C2orf78: variants seen among roughly 807,000 people sequenced by gnomAD.
C2orf78 encodes the protein uncharacterized protein C2orf78.
A neutral mutation model predicts 21.4 loss-of-function variants in C2orf78; 12 were observed. The observed-to-expected ratio is 0.56, with a 90% CI of 0.36 to 0.91. The LOEUF is 0.91. Ranked by LOEUF, C2orf78 falls within the 40% of genes least tolerant of loss-of-function variation. The pLI is 0.01. For missense variants in C2orf78, 1,042 were observed against 1,092.4 expected (o/e 0.95, Z 0.65); for synonymous variants, 396 against 413.9 (o/e 0.96, Z 0.52).
chr2:73,808,643 A>G (rs920092498), intron 1 of C2orf78: 3 of 241,042 alleles, frequency 1.2e-5, no homozygotes, highest in African/African-American at 4.7e-5. Flanking sequence ...CCTATTGGCT[A>G]TCGCAGACCT....
At chr2:73,815,620 C>G (rs1009019449) in exon 3 of C2orf78, 1 of 1,613,988 alleles carries the variant, frequency 6.2e-7, no homozygotes, top group Middle Eastern at 1.6e-4. Flanking sequence ...CTTGACCAAC[C>G]TGAAAGTCCC....
chr2:73,786,053 A>T (rs1013222330), intron 1 of C2orf78, among the ~76,000 whole-genome samples: 1 of 151,390 alleles, frequency 6.6e-6, no homozygotes, highest in Non-Finnish European at 1.5e-5. Context: ...CTTCAAAAAG[A>T]AAAAAAAAGA....
intron 1 of C2orf78, chr2:73,808,879 T>G: frequency 7.9e-7 from 1 of 1,268,752 alleles, no homozygotes; most frequent in Non-Finnish European, 1.1e-6. Context: ...CAGTTGATGT[T>G]TCTTCTTCTC....
At chr2:73,797,963 A>C (rs1672954897) in intron 1 of C2orf78, among the ~76,000 whole-genome samples, 1 of 35,662 alleles carries the variant, frequency 2.8e-5, no homozygotes, top group Non-Finnish European at 5.8e-5. Flanking sequence ...AACAATGCCT[A>C]AAATCAAGGG....
At chr2:73,816,561 C>G (rs746989589) in exon 3 of C2orf78, 3 of 1,613,674 alleles carry the variant, frequency 1.9e-6, no homozygotes, top group Non-Finnish European at 1.7e-6. Flanking sequence ...TTTGACAGGT[C>G]CTGCCACACC....
intron 1 of C2orf78, among the ~76,000 whole-genome samples, chr2:73,784,917 C>G (rs2103965826): frequency 6.6e-6 from 1 of 151,236 alleles, no homozygotes; most frequent in South Asian, 2.1e-4. Flanking sequence ...AATCTCAGCA[C>G]TTTGGGAGGC....
chr2:73,814,009 G>T, exon 2 of C2orf78: 1 of 1,614,028 alleles, frequency 6.2e-7, no homozygotes, highest in South Asian at 1.1e-5. Context: ...TAGGAAGCCA[G>T]GTCTATTACT....
intron 1 of C2orf78, among the ~76,000 whole-genome samples, chr2:73,813,233 C>T (rs943202818): frequency 5.9e-5 from 9 of 152,244 alleles, no homozygotes; most frequent in East Asian, 5.8e-4. Context: ...AAATAATGTA[C>T]GAAACCAGAC....
exon 3 of C2orf78, chr2:73,816,471 T>G (rs1673201622): frequency 1.2e-6 from 2 of 1,613,902 alleles, no homozygotes. Context: ...TGCTGTGGCT[T>G]ACCCTGCTCG....
At chr2:73,784,201 C>T (rs1398009577) in exon 1 of C2orf78, 1 of 1,508,814 alleles carries the variant, frequency 6.6e-7, no homozygotes, top group East Asian at 2.5e-5. Context: ...ACCAAACCGA[C>T]CACCACCTGG....
exon 3 of C2orf78, chr2:73,816,582 A>G (rs773133819): frequency 6.2e-7 from 1 of 1,613,128 alleles, no homozygotes; most frequent in East Asian, 2.2e-5. Context: ...AGCTCAGCCA[A>G]TTTCAGCCAA....
rs777720647 is a variant in C2orf78 at position 73,815,678 on chromosome 2, G to T, written c.1455G>T (p.Val485=). 7 of 1,613,798 alleles carry T rather than the reference G, an allele frequency of 4.3e-6. No homozygotes were observed. In the African/African-American group the frequency reaches 5.3e-5, roughly 12 times the overall value. ...CCAGTGCCATCAAGGTAAATCAGGTGCAGGAAAAGTCATGTGTCATAAAGG... is the reference window on the plus strand; with the variant it reads ...CCAGTGCCATCAAGGTAAATCAGGTTCAGGAAAAGTCATGTGTCATAAAGG... The change falls in exon 3 of 3, where the codon GTG becomes GTT. Residue 485 remains valine (V), a synonymous_variant. Coordinates refer to ENST00000409561, the Ensembl canonical transcript of C2orf78.
exon 2 of C2orf78, chr2:73,813,754 C>A: frequency 1.9e-6 from 3 of 1,614,032 alleles, no homozygotes; most frequent in Non-Finnish European, 2.5e-6. Context: ...CTTATCCAGG[C>A]GTTTTTGAGT....
In C2orf78 at chr2:73,784,203, A is replaced by G. The variant is rs139705863; in HGVS notation, c.-107A>G. The G allele has an allele frequency of 5.4e-3, 8,045 of 1,495,498 alleles. 62 individuals carry two copies. Among genetic ancestry groups the G allele is most frequent in the African/African-American group, 0.038 (2,630 of 69,322 alleles). 92.6% of individuals were successfully genotyped at this position (1,495,498 alleles called of 1,614,324 possible). On this transcript the variant is annotated 5_prime_UTR_variant, in exon 1 of 3. Coordinates refer to ENST00000409561, the Ensembl canonical transcript of C2orf78. ...ACATCATTCTCCCACCAAACCGACC[A>G]CCACCTGGTAGCATCTTGGGGTTTC...
exon 3 of C2orf78, chr2:73,817,056 A>G (rs901774519): frequency 2.8e-6 from 4 of 1,413,338 alleles, no homozygotes; most frequent in African/African-American, 2.9e-5. Flanking sequence ...ATAGATACTA[A>G]TTTATTTATT....
chr2:73,815,799 C>T, exon 3 of C2orf78: 1 of 1,613,810 alleles, frequency 6.2e-7, no homozygotes, highest in Non-Finnish European at 8.5e-7. Context: ...CCCAGAGTGC[C>T]TATTAGAGAG....
chr2:73,813,495 C>T, exon 2 of C2orf78: 2 of 1,605,150 alleles, frequency 1.2e-6, no homozygotes, highest in Non-Finnish European at 1.7e-6. Context: ...CAAAATACGT[C>T]TTTACCTGGA....
chr2:73,813,002 G>T (rs1673118877), intron 1 of C2orf78, among the ~76,000 whole-genome samples: 1 of 152,108 alleles, frequency 6.6e-6, no homozygotes, highest in Non-Finnish European at 1.5e-5. Flanking sequence ...AAAGACTCCT[G>T]GCAAGGAAGT....
chr2:73,810,210 A>C (rs1029605157), intron 1 of C2orf78, among the ~76,000 whole-genome samples: 4 of 152,046 alleles, frequency 2.6e-5, no homozygotes, highest in African/African-American at 9.7e-5. Context: ...ATGACACTTG[A>C]CAGTTTTTAA....
Sources: allele counts gnomAD v4.1 joint callset (sites outside exome capture counted in the v4.1 genomes callset), GRCh38; gene constraint gnomAD v4.1.1; transcripts MANE v1.5; gene names NCBI Gene and HGNC (gene_info 2026-07-23, HGNC 2026-07-21).